The following CFAP43 variants were observed in gnomAD, a reference collection of about 807,000 sequenced individuals.
CFAP43 encodes the protein cilia and flagella associated protein 43.
CFAP43 carries 155 observed loss-of-function variants against 218.9 expected under a neutral mutation model. That is an observed-to-expected ratio of 0.71 (90% CI 0.62 to 0.81). The LOEUF is 0.81. Among genes scored for constraint, CFAP43 ranks in the 30% least tolerant of loss-of-function variants. The pLI is 0.00. For synonymous variants in CFAP43, 645 were observed against 681.3 expected, an observed-to-expected ratio of 0.95 and a Z score of 0.83; for missense variants, 1,778 against 1,954.3, an observed-to-expected ratio of 0.91 and a Z score of 1.70.
rs765796176 is a variant in CFAP43, at chr10:104,185,132, C to G, written c.2025G>C (p.Trp675Cys). 5.0e-6 allele frequency: 8 copies of G among 1,613,708 alleles called. No homozygotes were observed. The highest frequency in any genetic ancestry group is 1.6e-4 in the Middle Eastern group (1 of 6,084). Residue 675 changes from tryptophan (W) to cysteine (C), a missense_variant, in exon 16 of 38, where the codon TGG becomes TGC. Trp to Cys is a radical substitution (Grantham distance 215, BLOSUM62 -2). Coordinates refer to ENST00000357060, the MANE Select transcript of CFAP43 (RefSeq NM_025145.7). ...GACCCTGGTGAGAATGACTCCGACACCAAGCAAATGTTTCCTCAATAGTTA... is the reference window on the plus strand; with the variant it reads ...GACCCTGGTGAGAATGACTCCGACAGCAAGCAAATGTTTCCTCAATAGTTA... Reference protein sequence around the residue: ...RDVYTLETFAWCRSHSHQGHG... With the variant: ...RDVYTLETFACCRSHSHQGHG...
chr10:104,230,778 C>T lies in CFAP43; in HGVS notation c.131G>A (p.Cys44Tyr), dbSNP rs371115024. The T allele has an allele frequency of 1.9e-6, 3 of 1,613,828 alleles. No individual in the cohort carries two copies. Among genetic ancestry groups the T allele is most frequent in the Non-Finnish European group, 1.7e-6 (2 of 1,179,956 alleles). Reference protein sequence around the residue: ...FVNDNTICYPCGNYVIFINIE... With the variant: ...FVNDNTICYPYGNYVIFINIE... ...ATTAATAAATATTACATAATTCCCA[C>T]AAGGGTAGCAAATGGTGTTGTCGTT... is the stretch of plus-strand genomic sequence containing the variant. Residue 44 changes from cysteine (C) to tyrosine (Y), a missense_variant, in exon 2 of 38, where the codon TGT becomes TAT. Physicochemically the swap from Cys to Tyr is radical, Grantham distance 194. Transcript: ENST00000357060.
intron 4 of CFAP43, among the ~76,000 whole-genome samples, chr10:104,213,188 G>A (rs2090915050): frequency 6.6e-6 from 1 of 152,208 alleles, no homozygotes; most frequent in Non-Finnish European, 1.5e-5. Context: ...AGAGCACTGA[G>A]CAGAAAGGCT....
Position 104,197,904 on chromosome 10 carries a change from C to G in CFAP43, c.1212+18G>C. ...TCGTATCTTTAGTCCTACTGTGACACAGTAAAATATTCTTTACCATGAAGT... is the reference window on the plus strand; with the variant it reads ...TCGTATCTTTAGTCCTACTGTGACAGAGTAAAATATTCTTTACCATGAAGT... On this transcript the variant is annotated intron_variant, in intron 9 of 37. Coordinates refer to ENST00000357060, the MANE Select transcript of CFAP43 (RefSeq NM_025145.7). The G allele has an allele frequency of 6.7e-7, 1 of 1,484,838 alleles. No individual in the cohort carries two copies. 92.0% of individuals were successfully genotyped at this position (1,484,838 alleles called of 1,614,324 possible).
intron 8 of CFAP43, 90 bp downstream of exon 8, chr10:104,203,582 G>A (rs2090594767): frequency 7.8e-7 from 1 of 1,286,914 alleles, no homozygotes; most frequent in Non-Finnish European, 1.1e-6. Context: ...GTACCACTGT[G>A]CAGCATACTC....
chr10:104,196,152 T>C (rs1194730497), intron 10 of CFAP43, among the ~76,000 whole-genome samples: 2 of 152,200 alleles, frequency 1.3e-5, no homozygotes, highest in African/African-American at 4.8e-5. Flanking sequence ...CAATGAAGCC[T>C]AAGATGAAAC....
Position 104,150,538 on chromosome 10 carries a change from C to T in CFAP43, c.3660+2069G>A, listed in dbSNP as rs1011689836. Among the ~76,000 whole-genome samples, 9 of 152,230 alleles carry T rather than the reference C, an allele frequency of 5.9e-5. No individual in the cohort carries two copies. In the East Asian group the frequency reaches 1.7e-3, roughly 29 times the overall value. Reference sequence around the variant, plus strand: ...AGTCACTGAGGGAATTTAAATGTAACCTTTTCAGTGTACCATTCCTGTTGG... The same window carrying T: ...AGTCACTGAGGGAATTTAAATGTAATCTTTTCAGTGTACCATTCCTGTTGG... On this transcript the variant is annotated intron_variant, in intron 28 of 37. Transcript: ENST00000357060.
At chr10:104,151,138 T>G (rs752058520) in intron 28 of CFAP43, among the ~76,000 whole-genome samples, 5 of 152,178 alleles carry the variant, frequency 3.3e-5, no homozygotes, top group Admixed American at 6.5e-5. Flanking sequence ...TCAATCCAGT[T>G]TATCATTGAT....
Position 104,140,888 on chromosome 10 carries a change from A to G in CFAP43, c.4385T>C (p.Ile1462Thr), listed in dbSNP as rs755774610. 25 of 1,611,694 alleles carry G rather than the reference A, an allele frequency of 1.6e-5. No individual in the cohort carries two copies. In the Admixed American group the frequency reaches 1.8e-4, roughly 12 times the overall value. The stretch of plus-strand genomic sequence containing the variant: ...TTCAATTATGTTCTTGTTGATGAGA[A>G]TTGCATCAGAATACTCCAGTACTAG... ...FQLVLEYSDA[I>T]LINKNIIEDL... Residue 1462 changes from isoleucine (I) to threonine (T), a missense_variant, in exon 34 of 38, where the codon ATT becomes ACT. Ile to Thr is a moderately conservative substitution (Grantham distance 89). This residue lies in a region of CFAP43 where 14 missense variants were observed against 38.5 expected (regional missense o/e 0.36). Transcript: ENST00000357060.
chr10:104,139,687 G>A (rs956142560), intron 34 of CFAP43, among the ~76,000 whole-genome samples: 1 of 152,110 alleles, frequency 6.6e-6, no homozygotes, highest in Non-Finnish European at 1.5e-5. Context: ...AAAGAAAAAT[G>A]GAGAGAATTC....
At chr10:104,148,092 ATACACATAAACTT>A in intron 28 of CFAP43, 94 bp from the exon 29 acceptor site, 1 of 588,424 alleles carries the variant, frequency 1.7e-6, no homozygotes, top group South Asian at 4.6e-5. Context: ...AGTTTATGAC[ATACACATAAACTT>A]TAAAATGTAA....
chr10:104,191,307 CTAGTA>C (rs2090204043), intron 12 of CFAP43, among the ~76,000 whole-genome samples: 1 of 150,544 alleles, frequency 6.6e-6, no homozygotes, highest in Admixed American at 6.7e-5. Flanking sequence ...TAGTCATCTT[CTAGTA>C]AACTCTTCCA....
chr10:104,172,293 C>T, intron 20 of CFAP43, 117 bp downstream of exon 20: 1 of 1,297,148 alleles, frequency 7.7e-7, no homozygotes, highest in Non-Finnish European at 1.0e-6. Context: ...GCTTTATTCA[C>T]ATTATACTGA....
chr10:104,142,504 GA>G, intron 32 of CFAP43, 111 bp from the exon 33 acceptor site: 1 of 634,806 alleles, frequency 1.6e-6, no homozygotes, highest in Non-Finnish European at 2.5e-6. Flanking sequence ...ATCTTTCGAA[GA>G]AAGTAATAAA....
chr10:104,202,394 G>A (rs2090559173), intron 8 of CFAP43, among the ~76,000 whole-genome samples: 2 of 152,112 alleles, frequency 1.3e-5, no homozygotes, highest in Admixed American at 1.3e-4. Flanking sequence ...GGGATTCACT[G>A]GACCTCTTAA....
In CFAP43 at chr10:104,185,748, C is replaced by T. The variant is rs114488289; in HGVS notation, c.2010+226G>A. On this transcript the variant is annotated intron_variant, in intron 15 of 37. Coordinates refer to ENST00000357060, the MANE Select transcript of CFAP43 (RefSeq NM_025145.7). ...CATTTAGGTTTTTAAATAGGCAATA[C>T]ATTCAAATGGTTCAAAATTCAAAAA... is the stretch of plus-strand genomic sequence containing the variant. Among the ~76,000 whole-genome samples the T allele has an allele frequency of 8.5e-3, 1,298 of 152,256 alleles. 32 individuals carry two copies. The highest frequency in any genetic ancestry group is 0.03 in the African/African-American group (1,253 of 41,542).
At chr10:104,136,971 T>C (rs1216335402) in intron 34 of CFAP43, among the ~76,000 whole-genome samples, 13 of 152,034 alleles carry the variant, frequency 8.6e-5, no homozygotes, top group Non-Finnish European at 1.6e-4. Context: ...AGAGAAACAA[T>C]AACAAGTTTT....
chr10:104,222,579 C>T (rs1176816666), intron 3 of CFAP43, among the ~76,000 whole-genome samples: 2 of 152,220 alleles, frequency 1.3e-5, no homozygotes, highest in Non-Finnish European at 2.9e-5. Context: ...CTGTCCTCCC[C>T]TGCCCTCCTC....
intron 5 of CFAP43, among the ~76,000 whole-genome samples, chr10:104,208,555 G>A (rs753079960): frequency 2.8e-4 from 42 of 152,038 alleles, no homozygotes; most frequent in Non-Finnish European, 5.1e-4. Flanking sequence ...AGAAACAATA[G>A]TTTATAATTC....
Position 104,152,680 on chromosome 10 carries a change from C to T in CFAP43, c.3587G>A (p.Ser1196Asn). Residue 1196 changes from serine to asparagine, a missense_variant, in exon 28 of 38, where the codon AGC becomes AAC. Physicochemically the swap from Ser to Asn is conservative, Grantham distance 46. This residue lies in a region of CFAP43 where 1,553 missense variants were observed against 1,685.2 expected (regional missense o/e 0.92). Transcript: ENST00000357060. ...CAAATGTTCATCAAAGGCCTGTGTG[C>T]TTTCTTGAATAGAGTTTTGAAGTTT... The part of the protein sequence containing the change: ...LKKLQNSIQE[S>N]TQAFDEHLKR... The T allele has an allele frequency of 6.2e-7, 1 of 1,613,574 alleles. No individual in the cohort carries two copies. Among genetic ancestry groups the T allele is most frequent in the Non-Finnish European group, 8.5e-7 (1 of 1,179,808 alleles).
Sources: allele counts gnomAD v4.1 joint callset (sites outside exome capture counted in the v4.1 genomes callset), GRCh38; gene constraint gnomAD v4.1.1; regional missense constraint gnomAD v4.1.1; transcripts MANE v1.5; gene names NCBI Gene and HGNC (gene_info 2026-07-23, HGNC 2026-07-21).